The following SMOC1 variants were observed in gnomAD, a reference collection of about 807,000 sequenced individuals.
SMOC1 encodes the protein SPARC related modular calcium binding 1, also known as SPARC-related modular calcium-binding protein 1.
SMOC1 carries 22 observed loss-of-function variants against 56.3 expected under a neutral mutation model. The ratio of observed to expected loss-of-function variants is 0.39; its 90% CI spans 0.28 to 0.56. The LOEUF (loss-of-function observed/expected upper bound fraction) is 0.56. SMOC1 is among the 20% of genes least tolerant of loss of function. The pLI, the probability that SMOC1 is intolerant of heterozygous loss-of-function variation, is 0.61. For synonymous variants in SMOC1, 193 were observed against 215.0 expected (o/e 0.90, Z 0.89); for missense variants, 509 against 565.4 (o/e 0.90, Z 1.01).
At chr14:69,885,728 G>A in intron 1 of SMOC1, 1 of 1,465,130 alleles carries the variant, frequency 6.8e-7, no homozygotes, top group Non-Finnish European at 9.6e-7. Context: ...GTTAACTCCT[G>A]CTCGAAGGAC....
chr14:70,014,650 G>A (rs1399877219), intron 10 of SMOC1, among the ~76,000 whole-genome samples: 1 of 152,342 alleles, frequency 6.6e-6, no homozygotes, highest in South Asian at 2.1e-4. Context: ...GCCAGAAGGG[G>A]AAGCACAGCA....
intron 1 of SMOC1, among the ~76,000 whole-genome samples, chr14:69,948,626 C>T (rs764049714): frequency 1.3e-4 from 20 of 152,158 alleles, no homozygotes; most frequent in Non-Finnish European, 2.6e-4. Flanking sequence ...GCATAGGCAA[C>T]TAGGCAACCT....
chr14:69,947,079 TCAGGCCGG>T (rs1882809110), intron 1 of SMOC1, among the ~76,000 whole-genome samples: 1 of 146,508 alleles, frequency 6.8e-6, no homozygotes, highest in Non-Finnish European at 1.5e-5. Flanking sequence ...TTACCCAGTC[TCAGGCCGG>T]CCTTCCTTCC....
intron 1 of SMOC1, among the ~76,000 whole-genome samples, chr14:69,938,893 C>G (rs897070917): frequency 6.6e-6 from 1 of 152,192 alleles, no homozygotes; most frequent in Admixed American, 6.5e-5. Context: ...GACTCTTGAA[C>G]AAGAGCCAGT....
chr14:70,013,356 T>C (rs1330949562), intron 9 of SMOC1, 30 bp from the exon 10 acceptor site: 1 of 1,586,896 alleles, frequency 6.3e-7, no homozygotes, highest in East Asian at 2.2e-5. Flanking sequence ...TTATCTGGCA[T>C]CTACCTTCAA....
chr14:69,921,897 T>C lies in SMOC1; in HGVS notation c.100-30241T>C, dbSNP rs575663860. Among the ~76,000 whole-genome samples, 93 of 152,318 alleles carry C rather than the reference T, an allele frequency of 6.1e-4. 1 individual carries two copies. The highest frequency in any genetic ancestry group is 5.6e-3 in the Admixed American group (85 of 15,304). On this transcript the variant is annotated intron_variant, in intron 1 of 11. Transcript: ENST00000361956. Reference sequence around the variant, plus strand: ...AAGGTACCCGAGGGAAGGGGCCCCCTTTCCACCCCTGGACCCCTGAAGTGC... The same window carrying C: ...AAGGTACCCGAGGGAAGGGGCCCCCCTTCCACCCCTGGACCCCTGAAGTGC...
chr14:69,900,716 C>T (rs930623838), intron 1 of SMOC1, among the ~76,000 whole-genome samples: 1 of 152,180 alleles, frequency 6.6e-6, no homozygotes, highest in Non-Finnish European at 1.5e-5. Flanking sequence ...TTGCCTATCC[C>T]CAACACCCAA....
At position 70,010,870 on chromosome 14, in the gene SMOC1, C is replaced by A. The variant is rs1885310251; in HGVS notation, c.781C>A (p.Gln261Lys). Residue 261 changes from glutamine (Q) to lysine (K), a missense_variant, in exon 8 of 12, where the codon CAA (glutamine) becomes AAA (lysine). By Grantham distance (53) the Gln-to-Lys change is moderately conservative. Coordinates refer to ENST00000361956, the MANE Select transcript of SMOC1 (RefSeq NM_001034852.3). ...CCCTGGGGGACTCTATAAGCCAGTG[C>A]AATGCCACCAGTCCACTGGCTACTG... is the stretch of plus-strand genomic sequence containing the variant. The part of the protein sequence containing the change: ...CAPGGLYKPV[Q>K]CHQSTGYCWC... The A allele has an allele frequency of 6.2e-7, 1 of 1,614,052 alleles. No homozygotes were observed. Among genetic ancestry groups the A allele is most frequent in the East Asian group, 2.2e-5 (1 of 44,888 alleles).
intron 7 of SMOC1, among the ~76,000 whole-genome samples, chr14:70,000,055 C>T (rs190224582): frequency 6.6e-6 from 1 of 152,256 alleles, no homozygotes; most frequent in Admixed American, 6.5e-5. Flanking sequence ...GAAGATCTTG[C>T]CCAGGTATTG....
At chr14:69,909,275 C>T (rs571315285) in intron 1 of SMOC1, among the ~76,000 whole-genome samples, 32 of 152,302 alleles carry the variant, frequency 2.1e-4, no homozygotes, top group Non-Finnish European at 4.3e-4. Context: ...CATATTCACT[C>T]TATATGCTTT....
At chr14:69,939,190 A>C (rs1882457216) in intron 1 of SMOC1, among the ~76,000 whole-genome samples, 4 of 152,196 alleles carry the variant, frequency 2.6e-5, no homozygotes, top group Admixed American at 2.6e-4. Context: ...GTCATTTATA[A>C]AGGAAAGAGG....
At chr14:69,934,459 C>T (rs1885247041) in intron 1 of SMOC1, among the ~76,000 whole-genome samples, 1 of 152,124 alleles carries the variant, frequency 6.6e-6, no homozygotes, top group African/African-American at 2.4e-5. Context: ...AGAGCAGCTC[C>T]CCAGGAGAGA....
chr14:69,988,741 G>C (rs373399108), intron 5 of SMOC1, among the ~76,000 whole-genome samples: 1 of 152,240 alleles, frequency 6.6e-6, no homozygotes, highest in African/African-American at 2.4e-5. Flanking sequence ...CCCCAGATCT[G>C]TTTTCTGTGT....
chr14:70,028,987 T>A (rs140578952), intron 11 of SMOC1, among the ~76,000 whole-genome samples: 1 of 152,186 alleles, frequency 6.6e-6, no homozygotes, highest in African/African-American at 2.4e-5. Flanking sequence ...TCCTCCTCCA[T>A]GAATTCAGTG....
At chr14:69,978,718 A>G (rs1337428896) in intron 5 of SMOC1, among the ~76,000 whole-genome samples, 2 of 152,128 alleles carry the variant, frequency 1.3e-5, no homozygotes, top group Non-Finnish European at 2.9e-5. Context: ...GGAATAAAGG[A>G]CAAAGTTTTG....
At chr14:69,922,433 C>T (rs1336366501) in intron 1 of SMOC1, among the ~76,000 whole-genome samples, 1 of 152,198 alleles carries the variant, frequency 6.6e-6, no homozygotes, top group Non-Finnish European at 1.5e-5. Flanking sequence ...GCTAGCTGAA[C>T]TCTTTCTGCT....
Position 69,879,758 on chromosome 14 carries a change from A to T in SMOC1, c.80A>T (p.His27Leu). The change falls in exon 1 of 12, where the codon CAC becomes CTC. Residue 27 changes from histidine to leucine, a missense_variant. By Grantham distance (99) the His-to-Leu change is moderately conservative. Coordinates refer to ENST00000361956, the MANE Select transcript of SMOC1 (RefSeq NM_001034852.3). ...VLVQLSPARG[H>L]RTTGPRFLIS... ...GTGCAGCTGTCCCCTGCTCGCGGCC[A>T]CCGCACCACAGGCCCCAGGGTAAGT... 1 of 1,592,114 alleles carries T rather than the reference A, an allele frequency of 6.3e-7. No homozygotes were observed.
intron 1 of SMOC1, among the ~76,000 whole-genome samples, chr14:69,936,152 G>A (rs1388921959): frequency 1.3e-5 from 2 of 152,026 alleles, no homozygotes; most frequent in South Asian, 4.2e-4. Context: ...TATCACCACC[G>A]TTTGTCACCT....
At chr14:69,934,766 T>G (rs1314859428) in intron 1 of SMOC1, among the ~76,000 whole-genome samples, 1 of 152,220 alleles carries the variant, frequency 6.6e-6, no homozygotes, top group African/African-American at 2.4e-5. Context: ...TTTAGCTCCT[T>G]TGGATCTTCA....
Sources: allele counts gnomAD v4.1 joint callset (sites outside exome capture counted in the v4.1 genomes callset), GRCh38; gene constraint gnomAD v4.1.1; transcripts MANE v1.5; gene names NCBI Gene and HGNC (gene_info 2026-07-23, HGNC 2026-07-21).